The following ENPP3 variants were observed in gnomAD, a reference collection of about 807,000 sequenced individuals.
The protein encoded by ENPP3 is ectonucleotide pyrophosphatase/phosphodiesterase family member 3.
A neutral mutation model predicts 117.8 loss-of-function variants in ENPP3; 104 were observed. The observed-to-expected ratio is 0.88, with a 90% CI of 0.75 to 1.04. ENPP3 has a LOEUF of 1.04. ENPP3 is among the 50% of genes least tolerant of loss of function. The probability of loss-of-function intolerance (pLI) is 0.00; values close to 1 mark genes in which losing one functional copy is unlikely to be tolerated. For missense variants in ENPP3, 1,026 were observed against 1,051.9 expected, an observed-to-expected ratio of 0.98 and a Z score of 0.34; for synonymous variants, 380 against 349.9, an observed-to-expected ratio of 1.09 and a Z score of -0.96.
At position 131,720,207 on chromosome 6, in the gene ENPP3, A is replaced by G. The variant is rs1779984465; in HGVS notation, c.1480-85A>G. On this transcript the variant is annotated intron_variant, in intron 16 of 24. Coordinates refer to ENST00000357639, the MANE Select transcript of ENPP3 (RefSeq NM_005021.5). ...GCCTAATACAAATAGGAGAGTAGTT[A>G]CAGAAGGAAAATTTTGTCTCTTCCT... The G allele has an allele frequency of 3.9e-6, 3 of 778,398 alleles. No homozygotes were observed. The African/African-American group carries it at 5.4e-5, about 14-fold the overall frequency. The allele number at this position is 778,398 out of a possible 1,614,324, so 48.2% of individuals were successfully genotyped here. A position where few individuals can be genotyped will look rare whatever the true frequency, so the allele number is the denominator to read the frequency against.
chr6:131,696,101 C>T (rs3800194), intron 15 of ENPP3, among the ~76,000 whole-genome samples: 36,967 of 152,054 alleles, frequency 0.24, 6,658 homozygotes, highest in African/African-American at 0.49. Context: ...TTGTATAATC[C>T]ATTTTCATCA....
At chr6:131,739,644 A>G (rs1186012488) in intron 23 of ENPP3, among the ~76,000 whole-genome samples, 3 of 143,036 alleles carry the variant, frequency 2.1e-5, no homozygotes, top group Non-Finnish European at 4.5e-5. Flanking sequence ...TCATGTTAGA[A>G]TGACCAAGCT....
intron 9 of ENPP3, 103 bp from the exon 10 acceptor site, chr6:131,676,633 C>T (rs1778874060): frequency 1.3e-6 from 1 of 757,554 alleles, no homozygotes; most frequent in South Asian, 1.6e-5. Context: ...TATAGGAACA[C>T]AAAATGGGTA....
chr6:131,640,942 C>T (rs922016867), intron 1 of ENPP3, among the ~76,000 whole-genome samples: 14 of 152,090 alleles, frequency 9.2e-5, no homozygotes, highest in Admixed American at 2.6e-4. Flanking sequence ...AAGACCAAAA[C>T]AGATTATTTG....
chr6:131,675,138 C>G lies in ENPP3; in HGVS notation c.821C>G (p.Ser274Ter). 6.2e-7 allele frequency: 1 copy of G among 1,613,766 alleles called. No homozygotes were observed. Among genetic ancestry groups the G allele is most frequent in the Non-Finnish European group, 8.5e-7 (1 of 1,179,740 alleles). ...GCCGCTACCTACTTTTGGCCCGGAT[C>G]AGAAGTGGCTATAAATGGCTCCTTT... ...LKAATYFWPGSEVAINGSFPS... is the reference protein window; with the variant it reads ...LKAATYFWPG The change falls in exon 9 of 25, where the codon TCA (serine) becomes TGA (stop). Residue 274 changes from serine (S) to a stop codon, truncating the protein, a stop_gained. Transcript: ENST00000357639. LOFTEE classifies it high-confidence loss of function.
intron 2 of ENPP3, among the ~76,000 whole-genome samples, chr6:131,649,301 G>C (rs1013155544): frequency 1.1e-4 from 17 of 152,034 alleles, no homozygotes; most frequent in African/African-American, 4.1e-4. Context: ...ATGGCTTCCT[G>C]TTACCAAAGG....
chr6:131,701,742 C>T (rs1211677450), intron 15 of ENPP3, among the ~76,000 whole-genome samples: 1 of 150,328 alleles, frequency 6.7e-6, no homozygotes, highest in South Asian at 2.1e-4. Context: ...ATTAGCCCGG[C>T]GTGGCGGCGT....
intron 14 of ENPP3, among the ~76,000 whole-genome samples, chr6:131,690,063 G>C (rs1456229687): frequency 1.3e-5 from 2 of 152,190 alleles, no homozygotes; most frequent in Non-Finnish European, 2.9e-5. Context: ...AAAGAAAGCG[G>C]TTTCTTGAGA....
intron 20 of ENPP3, among the ~76,000 whole-genome samples, chr6:131,729,075 G>A (rs531087988): frequency 9.9e-5 from 15 of 151,998 alleles, no homozygotes; most frequent in Admixed American, 2.6e-4. Flanking sequence ...TGTATCTCTC[G>A]CTCTATTTAC....
At chr6:131,673,977 T>A (rs62423387) in intron 7 of ENPP3, among the ~76,000 whole-genome samples, 185 bp from the exon 8 acceptor site, 10 of 152,192 alleles carry the variant, frequency 6.6e-5, no homozygotes, top group Middle Eastern at 6.8e-3. Flanking sequence ...GTCATGGAAC[T>A]AATGCCCTAT....
At chr6:131,643,046 G>A (rs1481628777) in intron 2 of ENPP3, 1 of 152,182 alleles carries the variant, frequency 6.6e-6, no homozygotes, top group African/African-American at 2.4e-5. Context: ...GCATTAGGAA[G>A]CCTCAGTAAG....
intron 5 of ENPP3, among the ~76,000 whole-genome samples, chr6:131,658,062 G>A (rs1484122916): frequency 6.6e-6 from 1 of 151,448 alleles, no homozygotes; most frequent in East Asian, 1.9e-4. Context: ...GCTGAGGCAT[G>A]AGAATCACTT....
At chr6:131,720,158 A>C in intron 16 of ENPP3, 134 bp from the exon 17 acceptor site, 1 of 546,382 alleles carries the variant, frequency 1.8e-6, no homozygotes, top group Non-Finnish European at 3.2e-6. Flanking sequence ...CATTTTCAAA[A>C]CTAAAAAAAA....
intron 6 of ENPP3, among the ~76,000 whole-genome samples, chr6:131,659,311 G>T (rs990608884): frequency 6.6e-6 from 1 of 151,980 alleles, no homozygotes; most frequent in African/African-American, 2.4e-5. Flanking sequence ...TTTAAAAGAA[G>T]TTGAGTACCC....
intron 11 of ENPP3, among the ~76,000 whole-genome samples, chr6:131,678,907 C>CTCTTTCTCTCTTTCTTTCTTTCTTTCTT (rs1778932219): frequency 1.4e-5 from 1 of 71,720 alleles, no homozygotes; most frequent in African/African-American, 5.2e-5. Flanking sequence ...CTTTCTTTCT[C>CTCTTTCTCTCTTTCTTTCTTTCTTTCTT]TCTTTCTTTC....
rs764010493 is a variant in ENPP3, at chr6:131,685,435, A to G, written c.1192A>G (p.Met398Val). The part of the protein sequence containing the change: ...DYFPRINFFY[M>V]YEGPAPRIRA... ...TTTTCCCAGAATAAACTTCTTCTAC[A>G]TGTACGAAGGGCCTGCCCCCCGCAT... is the stretch of plus-strand genomic sequence containing the variant. The change falls in exon 13 of 25, where the codon ATG (methionine) becomes GTG (valine). Residue 398 changes from methionine to valine, a missense_variant. Transcript: ENST00000357639. 1 of 1,613,962 alleles carries G rather than the reference A, an allele frequency of 6.2e-7. No homozygotes were observed. The highest frequency in any genetic ancestry group is 1.1e-5 in the South Asian group (1 of 91,082).
chr6:131,693,613 G>T lies in ENPP3; in HGVS notation c.1401G>T (p.Trp467Cys). The change falls in exon 15 of 25, where the codon TGG becomes TGT. Residue 467 changes from tryptophan to cysteine, a missense_variant. Physicochemically the swap from Trp to Cys is radical, Grantham distance 215. Transcript: ENST00000357639. ...DKVHLFVDQQ[W>C]LAVRSKSNTN... Reference sequence around the variant, plus strand: ...TTCATCTCTTTGTGGATCAACAGTGGCTGGCTGTTAGGTTCGTGTATCTGT... The same window carrying T: ...TTCATCTCTTTGTGGATCAACAGTGTCTGGCTGTTAGGTTCGTGTATCTGT... 1 of 1,613,036 alleles carries T rather than the reference G, an allele frequency of 6.2e-7. No homozygotes were observed. The highest frequency in any genetic ancestry group is 8.5e-7 in the Non-Finnish European group (1 of 1,179,532).
intron 17 of ENPP3, 111 bp downstream of exon 17, chr6:131,720,490 G>A: frequency 1.9e-6 from 1 of 523,232 alleles, no homozygotes; most frequent in East Asian, 3.0e-5. Context: ...GTAGTGAGAA[G>A]GCAGAAAGTA....
intron 16 of ENPP3, among the ~76,000 whole-genome samples, chr6:131,719,750 T>A (rs1779975081): frequency 6.6e-6 from 1 of 152,142 alleles, no homozygotes; most frequent in African/African-American, 2.4e-5. Flanking sequence ...ATAAATAATA[T>A]AATCAAGTTA....
Sources: gnomAD v4.1 joint callset for allele counts (sites outside exome capture counted in the v4.1 genomes callset) on GRCh38, gnomAD v4.1.1 for gene constraint, MANE v1.5 for transcripts, NCBI Gene and HGNC (gene_info 2026-07-23, HGNC 2026-07-21) for gene names.